CD247: variants seen among roughly 807,000 people sequenced by gnomAD.
CD247 encodes CD247 molecule, also known as T-cell surface glycoprotein CD3 zeta chain.
A neutral mutation model predicts 30.0 loss-of-function variants in CD247; 13 were observed. The observed-to-expected ratio is 0.43, with a 90% CI of 0.28 to 0.69. The LOEUF (loss-of-function observed/expected upper bound fraction) is 0.69, where lower values mean the gene tolerates loss of function less well. Among genes scored for constraint, CD247 ranks in the 30% least tolerant of loss-of-function variants. The pLI is 0.16. For synonymous variants in CD247, 72 were observed against 80.0 expected (o/e 0.90, Z 0.53); for missense variants, 193 against 212.6 (o/e 0.91, Z 0.57).
At position 167,512,615 on chromosome 1, in the gene CD247, C is replaced by T. The variant is rs536686256; in HGVS notation, c.58+5793G>A. Among the ~76,000 whole-genome samples, 43 of 152,298 alleles carry T rather than the reference C, an allele frequency of 2.8e-4. No individual in the cohort carries two copies. The South Asian group carries it at 8.7e-3, about 31-fold the overall frequency. ...AAAAAAAGCATGTCAGTCCAGTGTT[C>T]CCCCATTATTGCATTGGGAAAATGA... On this transcript the variant is annotated intron_variant, in intron 1 of 7. Coordinates refer to ENST00000362089, the MANE Select transcript of CD247 (RefSeq NM_198053.3).
chr1:167,515,466 TA>T (rs939015693), intron 1 of CD247, among the ~76,000 whole-genome samples: 2 of 152,184 alleles, frequency 1.3e-5, no homozygotes, highest in Non-Finnish European at 2.9e-5. Context: ...CACTGAGAAG[TA>T]AAAAAATCCA....
chr1:167,493,316 T>G (rs1056942258), intron 1 of CD247, among the ~76,000 whole-genome samples: 2 of 152,168 alleles, frequency 1.3e-5, no homozygotes, highest in Non-Finnish European at 2.9e-5. Flanking sequence ...GTGCTAGGAT[T>G]ACAGGTGTGA....
chr1:167,496,096 T>A (rs189205097), intron 1 of CD247, among the ~76,000 whole-genome samples: 1 of 152,250 alleles, frequency 6.6e-6, no homozygotes, highest in African/African-American at 2.4e-5. Flanking sequence ...AGACTGTTCC[T>A]GCTACATAGT....
At chr1:167,441,429 G>A (rs980113395) in intron 1 of CD247, among the ~76,000 whole-genome samples, 1 of 151,982 alleles carries the variant, frequency 6.6e-6, no homozygotes, top group Admixed American at 6.5e-5. Flanking sequence ...CCTAGGCCCA[G>A]CATCTCCCTG....
intron 1 of CD247, among the ~76,000 whole-genome samples, chr1:167,450,363 T>C (rs1251885615): frequency 6.6e-6 from 1 of 151,976 alleles, no homozygotes; most frequent in Non-Finnish European, 1.5e-5. Context: ...GGCATGATGG[T>C]GCATGCCTTA....
chr1:167,440,843 A>G, intron 1 of CD247, 76 bp from the exon 2 acceptor site: 2 of 876,300 alleles, frequency 2.3e-6, no homozygotes, highest in Non-Finnish European at 3.8e-6. Flanking sequence ...GGGTGGCACT[A>G]GGACTGACTG....
chr1:167,439,657 C>A, intron 2 of CD247: 1 of 557,078 alleles, frequency 1.8e-6, no homozygotes, highest in South Asian at 2.1e-5. Flanking sequence ...GGAGTTTATT[C>A]TTCCCGGGCT....
At chr1:167,457,042 G>A (rs1047316602) in intron 1 of CD247, among the ~76,000 whole-genome samples, 1 of 152,152 alleles carries the variant, frequency 6.6e-6, no homozygotes, top group Non-Finnish European at 1.5e-5. Context: ...TCTGAGGACC[G>A]GCTTGGTGGG....
At chr1:167,457,504 G>A (rs1652750191) in intron 1 of CD247, 1 of 152,354 alleles carries the variant, frequency 6.6e-6, no homozygotes, top group South Asian at 2.1e-4. Flanking sequence ...AAGCCTGGAA[G>A]GGGAGCCCTG....
chr1:167,498,166 G>A (rs916946252), intron 1 of CD247, among the ~76,000 whole-genome samples: 2 of 152,196 alleles, frequency 1.3e-5, no homozygotes, highest in Non-Finnish European at 2.9e-5. Context: ...CCGTCAAGAA[G>A]TGCCTTCCTA....
intron 1 of CD247, among the ~76,000 whole-genome samples, chr1:167,470,196 G>A (rs756985979): frequency 3.9e-5 from 6 of 152,116 alleles, no homozygotes; most frequent in Admixed American, 6.5e-5. Context: ...TTACAGGCAT[G>A]AGCCACCATG....
chr1:167,441,196 C>T (rs544618144), intron 1 of CD247, among the ~76,000 whole-genome samples: 1 of 152,308 alleles, frequency 6.6e-6, no homozygotes, highest in African/African-American at 2.4e-5. Context: ...GGCCTACCCA[C>T]AGGGAGACAA....
intron 1 of CD247, among the ~76,000 whole-genome samples, chr1:167,462,717 A>T (rs1195232503): frequency 6.6e-6 from 1 of 152,128 alleles, no homozygotes; most frequent in Admixed American, 6.5e-5. Context: ...GACCAGTAAA[A>T]GGGGGCCAGG....
chr1:167,439,304 G>A (rs1482347607), intron 3 of CD247, 40 bp downstream of exon 3: 1 of 1,585,690 alleles, frequency 6.3e-7, no homozygotes, highest in Non-Finnish European at 8.7e-7. Flanking sequence ...GGAGGAGGCT[G>A]CCCTTCCTTT....
intron 2 of CD247, 72 bp from the exon 3 acceptor site, chr1:167,439,472 C>CA: frequency 7.1e-7 from 1 of 1,411,422 alleles, no homozygotes; most frequent in Non-Finnish European, 1.0e-6. Flanking sequence ...CCAGGGCGCG[C>CA]GGCGACCCGA....
intron 1 of CD247, among the ~76,000 whole-genome samples, chr1:167,465,819 G>A (rs1415734835): frequency 1.3e-5 from 2 of 152,170 alleles, no homozygotes; most frequent in African/African-American, 2.4e-5. Context: ...TTGATGACTG[G>A]CCATGCCCCC....
At chr1:167,468,174 A>G (rs1223352391) in intron 1 of CD247, among the ~76,000 whole-genome samples, 1 of 152,342 alleles carries the variant, frequency 6.6e-6, no homozygotes, top group East Asian at 1.9e-4. Context: ...CCAGTAAAAA[A>G]AAAATGAGGG....
chr1:167,510,433 T>A (rs1655339053), intron 1 of CD247, among the ~76,000 whole-genome samples: 1 of 152,210 alleles, frequency 6.6e-6, no homozygotes, highest in South Asian at 2.1e-4. Context: ...ACACCCACAC[T>A]GACCTGCAAC....
chr1:167,475,121 G>T (rs935366682), intron 1 of CD247, among the ~76,000 whole-genome samples: 1 of 152,016 alleles, frequency 6.6e-6, no homozygotes, highest in Non-Finnish European at 1.5e-5. Flanking sequence ...CATACTTATT[G>T]CTCACCCTTG....
Sources: allele counts gnomAD v4.1 joint callset (sites outside exome capture counted in the v4.1 genomes callset), GRCh38; gene constraint gnomAD v4.1.1; transcripts MANE v1.5; gene names NCBI Gene and HGNC (gene_info 2026-07-23, HGNC 2026-07-21).